The following RANBP2 variants were observed in gnomAD, a reference collection of about 807,000 sequenced individuals.
RANBP2 encodes the protein E3 SUMO-protein ligase RanBP2.
Under a neutral mutation model 303.6 loss-of-function variants are expected in RANBP2, and 57 were observed. That is an observed-to-expected ratio of 0.19 (90% CI 0.15 to 0.23). RANBP2 has a LOEUF of 0.23. Ranked by LOEUF, RANBP2 falls within the 10% of genes least tolerant of loss-of-function variation. The pLI is 1.00. For synonymous variants in RANBP2, 1,167 were observed against 1,301.5 expected (o/e 0.90, Z 2.23); for missense variants, 3,138 against 3,780.8 (o/e 0.83, Z 4.46).
chr2:109,039,385 C>G, the RANBP2 span, among the ~76,000 whole-genome samples: 1 of 152,102 alleles, frequency 6.6e-6, no homozygotes, highest in African/African-American at 2.4e-5. Flanking sequence ...GAGTCTTGCT[C>G]TGTCGCCCAG....
At chr2:109,587,640 G>A in the RANBP2 span, among the ~76,000 whole-genome samples, 1 of 152,264 alleles carries the variant, frequency 6.6e-6, no homozygotes, top group East Asian at 1.9e-4. Flanking sequence ...TAGGCCTGGT[G>A]TGGTGGCTCA....
the RANBP2 span, among the ~76,000 whole-genome samples, chr2:109,638,163 G>T: frequency 1.1e-3 from 174 of 152,246 alleles, 1 homozygote; most frequent in African/African-American, 4.0e-3. Flanking sequence ...TGTGGCAAAA[G>T]GTTAACAGTT....
the RANBP2 span, chr2:108,923,216 T>A: frequency 1.3e-6 from 1 of 775,724 alleles, no homozygotes; most frequent in East Asian, 2.6e-5. Context: ...TTCATAGACC[T>A]GCCTGGACAG....
At chr2:109,696,923 G>A in the RANBP2 span, among the ~76,000 whole-genome samples, 1 of 152,014 alleles carries the variant, frequency 6.6e-6, no homozygotes, top group Non-Finnish European at 1.5e-5. Context: ...GACCACAGGT[G>A]CGCACCACCA....
the RANBP2 span, among the ~76,000 whole-genome samples, chr2:108,791,207 T>C: frequency 6.6e-6 from 1 of 152,224 alleles, no homozygotes; most frequent in Non-Finnish European, 1.5e-5. Flanking sequence ...ATATTGCTTT[T>C]GAACAATACT....
chr2:108,790,591 A>G (rs2149411838), downstream of RANBP2, among the ~76,000 whole-genome samples: 1 of 152,258 alleles, frequency 6.6e-6, no homozygotes, highest in Admixed American at 6.5e-5. Flanking sequence ...AGTCCCAGCT[A>G]CTCGGGAGGC....
the RANBP2 span, among the ~76,000 whole-genome samples, chr2:108,956,415 C>T: frequency 2.0e-5 from 3 of 152,216 alleles, no homozygotes; most frequent in South Asian, 6.2e-4. Flanking sequence ...AGAATACTGG[C>T]ATTCCTGATG....
chr2:109,294,201 A>C, the RANBP2 span, among the ~76,000 whole-genome samples: 1 of 152,324 alleles, frequency 6.6e-6, no homozygotes, highest in African/African-American at 2.4e-5. Context: ...TGTCACATAC[A>C]GCTCCTTGGT....
the RANBP2 span, chr2:108,930,198 A>G: frequency 2.5e-6 from 4 of 1,614,066 alleles, no homozygotes; most frequent in South Asian, 1.1e-5. Flanking sequence ...ACTCGTTCTC[A>G]CCGCAGTTTG....
the RANBP2 span, among the ~76,000 whole-genome samples, chr2:108,836,979 G>A: frequency 2.4e-4 from 37 of 151,382 alleles, no homozygotes; most frequent in African/African-American, 5.3e-4. Flanking sequence ...TAGGACTTTC[G>A]ACATATAAGG....
the RANBP2 span, among the ~76,000 whole-genome samples, chr2:109,055,704 G>C: frequency 0.011 from 1,666 of 146,632 alleles, 33 homozygotes; most frequent in African/African-American, 0.039. Flanking sequence ...TTTCTTACAA[G>C]TCTTCCTGGT....
At chr2:109,487,863 A>AGCACC in the RANBP2 span, among the ~76,000 whole-genome samples, 1 of 152,228 alleles carries the variant, frequency 6.6e-6, no homozygotes. Flanking sequence ...TTGTGTTCTC[A>AGCACC]GCACCGTGCT....
chr2:109,144,120 C>T, the RANBP2 span, among the ~76,000 whole-genome samples: 30 of 152,208 alleles, frequency 2.0e-4, no homozygotes, highest in Admixed American at 1.8e-3. Context: ...TGGAGTTCTA[C>T]TGTGCAGCAT....
chr2:109,169,549 G>A, the RANBP2 span, among the ~76,000 whole-genome samples: 1 of 152,018 alleles, frequency 6.6e-6, no homozygotes, highest in African/African-American at 2.4e-5. Flanking sequence ...TAGCTTCTAA[G>A]GGGTCCAGGC....
Position 108,763,679 on chromosome 2 carries a change from C to T in RANBP2, c.3140C>T (p.Ser1047Phe). The T allele has an allele frequency of 6.2e-7, 1 of 1,614,110 alleles. No individual in the cohort carries two copies. Among genetic ancestry groups the T allele is most frequent in the Non-Finnish European group, 8.5e-7 (1 of 1,179,996 alleles). Residue 1047 changes from serine (S) to phenylalanine (F), a missense_variant, in exon 20 of 29, where the codon TCC (serine) becomes TTC (phenylalanine). Physicochemically the swap from Ser to Phe is radical, Grantham distance 155. Coordinates refer to ENST00000283195, the MANE Select transcript of RANBP2 (RefSeq NM_006267.5). ...FKSNDGDFTFSSPQVVTQPPP... is the reference protein window; with the variant it reads ...FKSNDGDFTFFSPQVVTQPPP... ...TCAAATGATGGTGACTTCACGTTTT[C>T]CTCACCACAGGTTGTGACACAGCCC...
At chr2:109,276,411 G>C in the RANBP2 span, among the ~76,000 whole-genome samples, 6 of 152,224 alleles carry the variant, frequency 3.9e-5, no homozygotes, top group East Asian at 1.2e-3. Context: ...GTGACTGTCA[G>C]TCCAGGCCCG....
chr2:108,775,737 TCAGA>T lies in RANBP2; in HGVS notation c.8303_8306del (p.Thr2768LysfsTer3), dbSNP rs1677833673. ...TTGTGACTTCCTCTTTGCAGAAATC[TCAGA>T]CAGAAGAAATAACTAGCACAACTGA... On this transcript the variant is annotated frameshift_variant, in exon 24 of 29. Transcript: ENST00000283195. LOFTEE classifies it high-confidence loss of function. The T allele has an allele frequency of 1.2e-6, 2 of 1,613,682 alleles. No individual in the cohort carries two copies. The highest frequency in any genetic ancestry group is 1.7e-6 in the Non-Finnish European group (2 of 1,179,892).
At chr2:109,231,520 G>A in the RANBP2 span, among the ~76,000 whole-genome samples, 7 of 152,198 alleles carry the variant, frequency 4.6e-5, no homozygotes, top group African/African-American at 1.7e-4. Context: ...AATAAATATC[G>A]TGCTCTGTTC....
At chr2:109,242,640 G>C in the RANBP2 span, among the ~76,000 whole-genome samples, 1 of 152,182 alleles carries the variant, frequency 6.6e-6, no homozygotes, top group Non-Finnish European at 1.5e-5. Context: ...TGCCTACCTT[G>C]TGAAAACTCC....
Sources: gnomAD v4.1 joint callset for allele counts (sites outside exome capture counted in the v4.1 genomes callset) on GRCh38, gnomAD v4.1.1 for gene constraint, MANE v1.5 for transcripts, NCBI Gene and HGNC (gene_info 2026-07-23, HGNC 2026-07-21) for gene names.